Variants in HMCN2 observed in about 807,000 individuals in gnomAD.
The protein encoded by HMCN2 is hemicentin-2.
Under a neutral mutation model 377.5 loss-of-function variants are expected in HMCN2, and 325 were observed. That is an observed-to-expected ratio of 0.86 (90% CI 0.79 to 0.94). The LOEUF is 0.94. Among genes scored for constraint, HMCN2 ranks in the 40% least tolerant of loss-of-function variants. The probability of loss-of-function intolerance (pLI) is 0.00; values close to 1 mark genes in which losing one functional copy is unlikely to be tolerated. For missense variants in HMCN2, 4,543 were observed against 4,725.3 expected (o/e 0.96, Z 1.13); for synonymous variants, 2,007 against 2,046.8 (o/e 0.98, Z 0.53).
intron 57 of HMCN2, 57 bp downstream of exon 57, chr9:130,383,657 C>T (rs924650413): frequency 1.2e-6 from 1 of 814,030 alleles, no homozygotes. Context: ...CCAGGGGGCA[C>T]TGCCTTGGGG....
At position 130,308,286 on chromosome 9, in the gene HMCN2, G is replaced by A. The variant is rs1554937587; in HGVS notation, c.2200+720G>A. 6.6e-6 allele frequency among the ~76,000 whole-genome samples: 1 copy of A among 152,188 alleles called. No homozygotes were observed. The highest frequency in any genetic ancestry group is 2.4e-5 in the African/African-American group (1 of 41,440). On this transcript the variant is annotated intron_variant, in intron 14 of 97. Transcript: ENST00000683500. This position sits in a 1 kb window ranked among gnomAD's most constrained non-coding sequence, Gnocchi z 4.1. ...GTGCAAAGGTTTTAGAACAAGCTTGGCACATGTGCTGTGCTTGGCATTCTT... is the reference window on the plus strand; with the variant it reads ...GTGCAAAGGTTTTAGAACAAGCTTGACACATGTGCTGTGCTTGGCATTCTT...
rs1027766936 is a variant in HMCN2, at chr9:130,430,336, C to T, written c.14379C>T (p.Asn4793=). ...LPKACAYQCH[N]LQGSYRCLCP... ...AGGCCTGCGCCTACCAGTGCCACAA[C>T]CTCCAGGGCAGCTACCGCTGCCTGT... Residue 4793 remains asparagine (N), a synonymous_variant, in exon 95 of 98, where the codon AAC becomes AAT. Coordinates refer to ENST00000683500, the MANE Select transcript of HMCN2 (RefSeq NM_001291815.2). 5.8e-6 allele frequency: 9 copies of T among 1,547,594 alleles called. No homozygotes were observed. The highest frequency in any genetic ancestry group is 7.8e-6 in the Non-Finnish European group (9 of 1,146,908).
intron 22 of HMCN2, among the ~76,000 whole-genome samples, chr9:130,328,509 G>A (rs1838264139): frequency 3.3e-5 from 5 of 152,344 alleles, no homozygotes; most frequent in South Asian, 4.1e-4. Flanking sequence ...CTGTAAATTT[G>A]CGAAAGCCAC....
Position 130,424,751 on chromosome 9 carries a change from G to A in HMCN2, c.13382-25G>A, listed in dbSNP as rs955445050. On this transcript the variant is annotated intron_variant, in intron 87 of 97. Coordinates refer to ENST00000683500, the MANE Select transcript of HMCN2 (RefSeq NM_001291815.2). ...CTGCCCTGAGGATCAGCTCTAACCC[G>A]GCCTCTATGCCCTGCCCCACCCAGG... 4.0e-6 allele frequency: 6 copies of A among 1,515,702 alleles called. 1 individual carries two copies. Among genetic ancestry groups the A allele is most frequent in the African/African-American group, 2.8e-5 (2 of 71,838 alleles). 93.9% of individuals were successfully genotyped at this position (1,515,702 alleles called of 1,614,324 possible). A position where few individuals can be genotyped will look rare whatever the true frequency, so the allele number is the denominator to read the frequency against.
intron 15 of HMCN2, among the ~76,000 whole-genome samples, chr9:130,313,541 A>G (rs1279993702): frequency 6.6e-6 from 1 of 151,526 alleles, no homozygotes; most frequent in African/African-American, 2.4e-5. Context: ...GGCCCTCGAG[A>G]GGTTTCCTGA....
chr9:130,416,104 T>TA (rs1554972514), intron 85 of HMCN2, among the ~76,000 whole-genome samples: 3 of 67,278 alleles, frequency 4.5e-5, no homozygotes, highest in Admixed American at 1.4e-4. Flanking sequence ...GGCTTTATTT[T>TA]TTTTTTTTTT....
intron 1 of HMCN2, among the ~76,000 whole-genome samples, chr9:130,274,168 T>C (rs1227781461): frequency 2.0e-5 from 3 of 151,980 alleles, no homozygotes; most frequent in Admixed American, 6.6e-5. Flanking sequence ...TTCTCCTGTC[T>C]CAGCTTCCCA....
rs1837049246 is a variant in HMCN2, at chr9:130,308,835, C to T, written c.2201-1077C>T. On this transcript the variant is annotated intron_variant, in intron 14 of 97. Transcript: ENST00000683500. This position sits in a 1 kb window ranked among gnomAD's most constrained non-coding sequence, Gnocchi z 4.1. The stretch of plus-strand genomic sequence containing the variant: ...GGACGCTATTCTAGGTGAAGTCAGC[C>T]AGACACAAAAAGACAAATACTCTCT... 6.6e-6 allele frequency among the ~76,000 whole-genome samples: 1 copy of T among 152,212 alleles called. No individual in the cohort carries two copies. Among genetic ancestry groups the T allele is most frequent in the Admixed American group, 6.5e-5 (1 of 15,290 alleles).
At position 130,308,785 on chromosome 9, in the gene HMCN2, G is replaced by A. The variant is rs1837045307; in HGVS notation, c.2201-1127G>A. ...TTCAGAAGGAAGGAGATTCTGACAC[G>A]TGCTACATGGATGTCCTGCTAGGTG... On this transcript the variant is annotated intron_variant, in intron 14 of 97. Transcript: ENST00000683500. The surrounding 1 kb of genome is among the most constrained non-coding windows in gnomAD (Gnocchi z 4.1). 2.0e-5 allele frequency among the ~76,000 whole-genome samples: 3 copies of A among 152,194 alleles called. No homozygotes were observed. The highest frequency in any genetic ancestry group is 6.5e-5 in the Admixed American group (1 of 15,286).
At chr9:130,355,942 G>C (rs1020901828) in intron 33 of HMCN2, 88 bp downstream of exon 33, 11 of 946,758 alleles carry the variant, frequency 1.2e-5, no homozygotes, top group African/African-American at 5.1e-5. Flanking sequence ...CAGGAGAGAG[G>C]CTTCCTGTTT....
rs1009572797 is a variant in HMCN2, at chr9:130,321,303, G to A, written c.2775+400G>A. Among the ~76,000 whole-genome samples the A allele has an allele frequency of 6.2e-5, 9 of 145,380 alleles. No individual in the cohort carries two copies. The Middle Eastern group carries it at 0.011, about 172-fold the overall frequency. On this transcript the variant is annotated intron_variant, in intron 18 of 97. Coordinates refer to ENST00000683500, the MANE Select transcript of HMCN2 (RefSeq NM_001291815.2). ...CCCCAGACACCGGCGCGCGCTGAACGCACAGTGGTTGCCTTATCAACCAGT... is the reference window on the plus strand; with the variant it reads ...CCCCAGACACCGGCGCGCGCTGAACACACAGTGGTTGCCTTATCAACCAGT...
intron 86 of HMCN2, among the ~76,000 whole-genome samples, chr9:130,419,979 C>T (rs1843902745): frequency 6.6e-6 from 1 of 151,850 alleles, no homozygotes; most frequent in Non-Finnish European, 1.5e-5. Context: ...TTCAGCGGTT[C>T]TCTGACCCCC....
chr9:130,363,907 GAAAGA>G (rs1363995760), intron 40 of HMCN2, among the ~76,000 whole-genome samples: 2 of 53,870 alleles, frequency 3.7e-5, no homozygotes, highest in Admixed American at 2.4e-4. Flanking sequence ...GAGGGAGAGA[GAAAGA>G]AAAAGAAAGG....
Position 130,425,799 on chromosome 9 carries a change from A to G in HMCN2, c.13754A>G (p.Gln4585Arg), listed in dbSNP as rs763083692. 13 of 1,550,460 alleles carry G rather than the reference A, an allele frequency of 8.4e-6. No individual in the cohort carries two copies. In the Admixed American group the frequency reaches 2.0e-4, roughly 23 times the overall value. The change falls in exon 90 of 98, where the codon CAG becomes CGG. Residue 4585 changes from glutamine to arginine, a missense_variant. Gln to Arg is a conservative substitution (Grantham distance 43, BLOSUM62 1). This residue lies in a region of HMCN2 where 1,155 missense variants were observed against 1,157.7 expected (regional missense o/e 1.00). Coordinates refer to ENST00000683500, the MANE Select transcript of HMCN2 (RefSeq NM_001291815.2). ...TTCCTACGCTGCAACCACAGCATCC[A>G]GTACAACGCGGCCCGGGGCCCCCAG... ...PSFLRCNHSI[Q>R]YNAARGPQPQ...
chr9:130,339,561 C>G, intron 23 of HMCN2, among the ~76,000 whole-genome samples: 1 of 152,324 alleles, frequency 6.6e-6, no homozygotes, highest in Middle Eastern at 3.4e-3. Context: ...GTGCTGCTGA[C>G]TGGCTGTGTG....
intron 22 of HMCN2, among the ~76,000 whole-genome samples, chr9:130,330,753 A>G (rs1423427618): frequency 1.3e-5 from 2 of 152,050 alleles, no homozygotes; most frequent in Admixed American, 6.5e-5. Context: ...TGCATCTTAT[A>G]TTCCGTCCTC....
At chr9:130,377,927 C>T in intron 53 of HMCN2, 128 bp downstream of exon 53, 1 of 706,260 alleles carries the variant, frequency 1.4e-6, no homozygotes, top group South Asian at 6.3e-5. Flanking sequence ...CCCACTGGCT[C>T]ATCTCAGCAG....
intron 31 of HMCN2, 100 bp downstream of exon 31, chr9:130,353,305 G>C: frequency 9.2e-7 from 1 of 1,087,674 alleles, no homozygotes; most frequent in Non-Finnish European, 1.2e-6. Context: ...TGGCCACTTG[G>C]AGTGGTCAGA....
At chr9:130,377,950 C>T (rs1256322805) in intron 53 of HMCN2, among the ~76,000 whole-genome samples, 151 bp downstream of exon 53, 1 of 152,228 alleles carries the variant, frequency 6.6e-6, no homozygotes, top group Non-Finnish European at 1.5e-5. Context: ...CAGAACGGCA[C>T]CCTGCCCCAA....
Sources: gnomAD v4.1 joint callset for allele counts (sites outside exome capture counted in the v4.1 genomes callset) on GRCh38, gnomAD v4.1.1 for gene constraint, gnomAD v4.1.1 regional missense constraint, Gnocchi (gnomAD v3.1) non-coding constraint, MANE v1.5 for transcripts, NCBI Gene and HGNC (gene_info 2026-07-23, HGNC 2026-07-21) for gene names.